Variants in ALG8 observed in about 807,000 individuals in gnomAD.
ALG8 encodes the protein dolichyl pyrophosphate Glc1Man9GlcNAc2 alpha-1,3-glucosyltransferase.
ALG8 carries 48 observed loss-of-function variants against 70.2 expected under a neutral mutation model. The observed-to-expected ratio is 0.68, with a 90% CI of 0.54 to 0.87. ALG8 has a LOEUF of 0.87. Ranked by LOEUF, ALG8 falls within the 40% of genes least tolerant of loss-of-function variation. The pLI, the probability that ALG8 is intolerant of heterozygous loss-of-function variation, is 0.00. For synonymous variants in ALG8, 234 were observed against 229.0 expected, an observed-to-expected ratio of 1.02 and a Z score of -0.20; for missense variants, 572 against 608.7, an observed-to-expected ratio of 0.94 and a Z score of 0.64.
At chr11:78,131,740 A>C (rs948096636) in intron 1 of ALG8, among the ~76,000 whole-genome samples, 1 of 152,158 alleles carries the variant, frequency 6.6e-6, no homozygotes, top group Non-Finnish European at 1.5e-5. Context: ...TGCTGGGATT[A>C]CAGGTGTGAG....
chr11:78,106,794 G>T lies in ALG8; in HGVS notation c.1178+13C>A. On this transcript the variant is annotated intron_variant, in intron 10 of 12. Coordinates refer to ENST00000299626, the MANE Select transcript of ALG8 (RefSeq NM_024079.5). ...ATATGCCAAAATGCTCACTGGCTGA[G>T]CTATCTGCTTACCTCATTGGGAGAA... The T allele has an allele frequency of 6.2e-7, 1 of 1,613,828 alleles. No individual in the cohort carries two copies. Among genetic ancestry groups the T allele is most frequent in the Non-Finnish European group, 8.5e-7 (1 of 1,179,870 alleles).
intron 1 of ALG8, among the ~76,000 whole-genome samples, chr11:78,138,159 G>A (rs190382296): frequency 1.2e-4 from 18 of 151,944 alleles, no homozygotes; most frequent in Admixed American, 8.5e-4. Flanking sequence ...TCAGCCCTCC[G>A]CCATCATGGT....
chr11:78,134,824 T>C (rs900188051), intron 1 of ALG8, among the ~76,000 whole-genome samples: 3 of 152,236 alleles, frequency 2.0e-5, no homozygotes, highest in Admixed American at 6.5e-5. Flanking sequence ...TCCCATGACA[T>C]CTGCAGTTAC....
intron 2 of ALG8, among the ~76,000 whole-genome samples, chr11:78,127,115 A>C (rs1038118195): frequency 1.3e-5 from 2 of 151,906 alleles, no homozygotes; most frequent in Admixed American, 1.3e-4. Flanking sequence ...AGTAGCTGGG[A>C]TTACAGGTGC....
chr11:78,139,318 C>A, intron 1 of ALG8, 176 bp downstream of exon 1: 1 of 674,034 alleles, frequency 1.5e-6, no homozygotes, highest in Admixed American at 2.6e-5. Flanking sequence ...TGAACCTAGC[C>A]AGCTGGGGCT....
intron 8 of ALG8, 76 bp from the exon 9 acceptor site, chr11:78,109,657 T>C (rs1860195352): frequency 2.1e-6 from 3 of 1,403,656 alleles, no homozygotes; most frequent in Admixed American, 3.6e-5. Context: ...ATCAATTCCT[T>C]GAGGAATAAA....
At chr11:78,120,307 A>C (rs1860766251) in intron 4 of ALG8, among the ~76,000 whole-genome samples, 1 of 152,192 alleles carries the variant, frequency 6.6e-6, no homozygotes, top group African/African-American at 2.4e-5. Flanking sequence ...ATTAGGGATG[A>C]GAAAGGAATG....
intron 12 of ALG8, among the ~76,000 whole-genome samples, chr11:78,102,189 G>A (rs893474294): frequency 1.3e-5 from 2 of 151,916 alleles, no homozygotes; most frequent in African/African-American, 4.8e-5. Context: ...AAATATTTTC[G>A]TGACCCCAAA....
intron 1 of ALG8, chr11:78,133,366 G>A (rs1018187053): frequency 6.6e-6 from 1 of 151,790 alleles, no homozygotes; most frequent in Non-Finnish European, 1.5e-5. Flanking sequence ...CATATCCCAG[G>A]GGTTTCTGGT....
intron 1 of ALG8, among the ~76,000 whole-genome samples, chr11:78,130,115 G>GGT (rs1861238970): frequency 6.6e-6 from 1 of 152,142 alleles, no homozygotes; most frequent in Non-Finnish European, 1.5e-5. Flanking sequence ...ACTTCGGGAG[G>GGT]CCAAGGCGGG....
chr11:78,123,722 G>C (rs971231671), intron 3 of ALG8, among the ~76,000 whole-genome samples: 1 of 152,138 alleles, frequency 6.6e-6, no homozygotes, highest in Non-Finnish European at 1.5e-5. Flanking sequence ...AAAACATATG[G>C]AGCTATTCTG....
chr11:78,112,893 T>A, intron 7 of ALG8, 123 bp from the exon 8 acceptor site: 1 of 1,173,692 alleles, frequency 8.5e-7, no homozygotes, highest in Non-Finnish European at 1.2e-6. Context: ...TTCTAGTAAG[T>A]AAGTGGTTAT....
At chr11:78,119,459 C>T (rs1380789347) in intron 4 of ALG8, among the ~76,000 whole-genome samples, 2 of 136,106 alleles carry the variant, frequency 1.5e-5, no homozygotes, top group African/African-American at 5.7e-5. Flanking sequence ...GATGGAGTCT[C>T]ACTCTGTCAC....
At position 78,111,178 on chromosome 11, in the gene ALG8, T is replaced by C. The variant is rs550626966; in HGVS notation, c.898+1472A>G. 3.9e-4 allele frequency among the ~76,000 whole-genome samples: 59 copies of C among 152,276 alleles called. No individual in the cohort carries two copies. The South Asian group carries it at 9.5e-3, about 25-fold the overall frequency. Reference sequence around the variant, plus strand: ...TAGTGGCCACCATGCATGGAGCGTCTACCATGTGCCCAGGGCTCTGCACTT... The same window carrying C: ...TAGTGGCCACCATGCATGGAGCGTCCACCATGTGCCCAGGGCTCTGCACTT... On this transcript the variant is annotated intron_variant, in intron 8 of 12. Coordinates refer to ENST00000299626, the MANE Select transcript of ALG8 (RefSeq NM_024079.5).
chr11:78,106,844 G>A lies in ALG8; in HGVS notation c.1141C>T (p.His381Tyr). The A allele has an allele frequency of 2.5e-6, 4 of 1,614,090 alleles. No individual in the cohort carries two copies. Among genetic ancestry groups the A allele is most frequent in the Non-Finnish European group, 3.4e-6 (4 of 1,179,992 alleles). Reference protein sequence around the residue: ...LSSFMFGWHVHEKAILLAILP... With the variant: ...LSSFMFGWHVYEKAILLAILP... ...ATTGCTAGAAGTATGGCTTTTTCAT[G>A]AACATGCCACCCAAACATAAAGGAG... The change falls in exon 10 of 13, where the codon CAT (histidine) becomes TAT (tyrosine). Residue 381 changes from histidine (H) to tyrosine (Y), a missense_variant. His to Tyr is a moderately conservative substitution (Grantham distance 83). Coordinates refer to ENST00000299626, the MANE Select transcript of ALG8 (RefSeq NM_024079.5).
At chr11:78,133,638 AC>A (rs1327677360) in intron 1 of ALG8, 6 of 152,322 alleles carry the variant, frequency 3.9e-5, no homozygotes, top group African/African-American at 1.4e-4. Context: ...GCGGTGGCTC[AC>A]GCCTGTAATC....
chr11:78,128,674 G>A (rs550763703), intron 1 of ALG8, among the ~76,000 whole-genome samples: 3 of 149,838 alleles, frequency 2.0e-5, no homozygotes, highest in South Asian at 2.1e-4. Context: ...GCAGTAGTGC[G>A]ATCTTGGCTC....
intron 12 of ALG8, among the ~76,000 whole-genome samples, chr11:78,103,684 A>C (rs1256098583): frequency 6.6e-6 from 1 of 152,128 alleles, no homozygotes; most frequent in Non-Finnish European, 1.5e-5. Context: ...TTCCATATCT[A>C]TCTGTATTTA....
intron 1 of ALG8, among the ~76,000 whole-genome samples, chr11:78,131,615 C>A (rs1009144207): frequency 6.6e-6 from 1 of 152,122 alleles, no homozygotes; most frequent in Non-Finnish European, 1.5e-5. Context: ...AAATTTTTGA[C>A]CACCATCTCC....
Sources: gnomAD v4.1 joint callset for allele counts (sites outside exome capture counted in the v4.1 genomes callset) on GRCh38, gnomAD v4.1.1 for gene constraint, MANE v1.5 for transcripts, NCBI Gene and HGNC (gene_info 2026-07-23, HGNC 2026-07-21) for gene names.